OTUD3: variants seen among roughly 807,000 people sequenced by gnomAD.
OTUD3 encodes OTU deubiquitinase 3.
Under a neutral mutation model 46.2 loss-of-function variants are expected in OTUD3, and 24 were observed. The observed-to-expected ratio is 0.52, with a 90% confidence interval of 0.38 to 0.73. The LOEUF (loss-of-function observed/expected upper bound fraction) is 0.73. OTUD3 is among the 30% of genes least tolerant of loss of function. The pLI is 0.00. For synonymous variants in OTUD3, 189 were observed against 195.4 expected (o/e 0.97, Z 0.27); for missense variants, 455 against 523.3 (o/e 0.87, Z 1.27).
At chr1:19,886,482 C>G (rs2045362866) in intron 1 of OTUD3, among the ~76,000 whole-genome samples, 1 of 152,146 alleles carries the variant, frequency 6.6e-6, no homozygotes, top group Non-Finnish European at 1.5e-5. Flanking sequence ...TTGTGCCTCA[C>G]TCAGTGGTTT....
intron 2 of OTUD3, among the ~76,000 whole-genome samples, chr1:19,893,336 G>A (rs1164574195): frequency 6.6e-6 from 1 of 152,104 alleles, no homozygotes; most frequent in Non-Finnish European, 1.5e-5. Context: ...TAACAGTTAC[G>A]GTTTGTTACG....
intron 6 of OTUD3, among the ~76,000 whole-genome samples, chr1:19,906,095 A>C (rs1310757404): frequency 1.3e-5 from 2 of 152,260 alleles, no homozygotes; most frequent in African/African-American, 4.8e-5. Context: ...ATTGGACAGC[A>C]CAGCTTTAGA....
chr1:19,902,704 AT>A (rs2045607235), intron 4 of OTUD3, among the ~76,000 whole-genome samples: 1 of 151,928 alleles, frequency 6.6e-6, no homozygotes, highest in Admixed American at 6.6e-5. Flanking sequence ...CAGGTATATG[AT>A]TTGCTGTAAT....
intron 6 of OTUD3, among the ~76,000 whole-genome samples, chr1:19,905,562 G>A (rs1379705688): frequency 6.6e-6 from 1 of 151,844 alleles, no homozygotes; most frequent in Non-Finnish European, 1.5e-5. Context: ...CGAACATGGT[G>A]AAACCCCGTC....
In OTUD3 at chr1:19,908,182, C is replaced by G. The variant is rs952802689; in HGVS notation, c.*436C>G. The G allele has an allele frequency of 5.8e-5, 9 of 154,258 alleles. No individual in the cohort carries two copies. The highest frequency in any genetic ancestry group is 2.2e-4 in the African/African-American group (9 of 41,462). 9.6% of individuals were successfully genotyped at this position (154,258 alleles called of 1,614,324 possible). On this transcript the variant is annotated 3_prime_UTR_variant, in exon 8 of 8. Transcript: ENST00000375120. ...TGACAAGTTTCCTTAGTTTCTCTTT[C>G]ATTCTCAAACAGATATATAGGGTAG...
At chr1:19,905,951 C>T (rs890399210) in intron 6 of OTUD3, among the ~76,000 whole-genome samples, 1 of 152,158 alleles carries the variant, frequency 6.6e-6, no homozygotes, top group Non-Finnish European at 1.5e-5. Flanking sequence ...CTTTAAACAG[C>T]ACCCTCCAGT....
At chr1:19,896,890 G>C (rs561657588) in intron 3 of OTUD3, among the ~76,000 whole-genome samples, 1 of 152,294 alleles carries the variant, frequency 6.6e-6, no homozygotes, top group East Asian at 1.9e-4. Context: ...GCGCCTGCAG[G>C]GTTGAGCGCT....
intron 3 of OTUD3, among the ~76,000 whole-genome samples, chr1:19,895,980 A>G (rs1310516750): frequency 6.6e-6 from 1 of 151,548 alleles, no homozygotes; most frequent in Non-Finnish European, 1.5e-5. Context: ...GCATAGGTAA[A>G]TTTTTTTTTG....
Position 19,882,639 on chromosome 1 carries a change from G to T in OTUD3, c.126G>T (p.Glu42Asp). The T allele has an allele frequency of 6.8e-7, 1 of 1,462,748 alleles. No individual in the cohort carries two copies. The allele number at this position is 1,462,748 out of a possible 1,614,324, so 90.6% of individuals were successfully genotyped here. A position where few individuals can be genotyped will look rare whatever the true frequency, so the allele number is the denominator to read the frequency against. Reference protein sequence around the residue: ...ALAKERRNRPESGGGGGCEEE... With the variant: ...ALAKERRNRPDSGGGGGCEEE... The stretch of plus-strand genomic sequence containing the variant: ...CCAAGGAGCGGCGGAATCGGCCGGA[G>T]TCTGGCGGCGGCGGCGGCTGCGAGG... Residue 42 changes from glutamate to aspartate, a missense_variant, in exon 1 of 8, where the codon GAG becomes GAT. Physicochemically the swap from Glu to Asp is conservative, Grantham distance 45 (BLOSUM62 2). Transcript: ENST00000375120.
rs1226643525 is a variant in OTUD3, at chr1:19,882,541, C to T, written c.28C>T (p.Arg10Trp). MSRKQAAKSRPGSGSRKAEA... is the reference protein window; with the variant it reads MSRKQAAKSWPGSGSRKAEA... The stretch of plus-strand genomic sequence containing the variant: ...GTCCCGAAAGCAGGCGGCGAAGAGC[C>T]GGCCGGGCAGCGGCAGCCGGAAAGC... Residue 10 changes from arginine (R) to tryptophan (W), a missense_variant, in exon 1 of 8, where the codon CGG becomes TGG. Arg to Trp is a moderately radical substitution (Grantham distance 101). Transcript: ENST00000375120. 11 of 1,345,060 alleles carry T rather than the reference C, an allele frequency of 8.2e-6. No individual in the cohort carries two copies. The highest frequency in any genetic ancestry group is 3.1e-5 in the East Asian group (1 of 32,552). 83.3% of individuals were successfully genotyped at this position (1,345,060 alleles called of 1,614,324 possible). A position where few individuals can be genotyped will look rare whatever the true frequency, so the allele number is the denominator to read the frequency against.
At chr1:19,900,004 G>T (rs956008216) in intron 4 of OTUD3, among the ~76,000 whole-genome samples, 1 of 151,864 alleles carries the variant, frequency 6.6e-6, no homozygotes, top group East Asian at 1.9e-4. Context: ...ATAGTTTTTC[G>T]CACTCTGTCA....
chr1:19,901,448 T>TGAGAG (rs2045588098), intron 4 of OTUD3, among the ~76,000 whole-genome samples: 1 of 152,236 alleles, frequency 6.6e-6, no homozygotes, highest in African/African-American at 2.4e-5. Context: ...CATTTGTCTG[T>TGAGAG]GAGAGCTGTT....
At position 19,897,572 on chromosome 1, in the gene OTUD3, G is replaced by A. The variant is rs923526871; in HGVS notation, c.516G>A (p.Glu172=). The change falls in exon 4 of 8, where the codon GAG becomes GAA. Residue 172 remains glutamate (E), a synonymous_variant. Transcript: ENST00000375120. The stretch of plus-strand genomic sequence containing the variant: ...GTACAGAGAAAAGCAGCGTGAGGGA[G>A]TTACACATCGCATATCGGTATGGAG... ...IRGTEKSSVR[E]LHIAYRYGEH... 1.2e-6 allele frequency: 2 copies of A among 1,614,080 alleles called. No homozygotes were observed. The highest frequency in any genetic ancestry group is 1.7e-6 in the Non-Finnish European group (2 of 1,179,978).
At chr1:19,887,241 T>C (rs2045376847) in intron 1 of OTUD3, among the ~76,000 whole-genome samples, 1 of 152,046 alleles carries the variant, frequency 6.6e-6, no homozygotes, top group South Asian at 2.1e-4. Context: ...TGCGCCACCA[T>C]ACCTGGCTAA....
At chr1:19,906,872 C>T in intron 7 of OTUD3, 2 of 312,614 alleles carry the variant, frequency 6.4e-6, no homozygotes, top group Non-Finnish European at 1.2e-5. Context: ...CTTTTCCCAC[C>T]TAACATTACT....
chr1:19,904,212 C>T (rs2045627769), intron 4 of OTUD3, 55 bp from the exon 5 acceptor site: 2 of 1,424,770 alleles, frequency 1.4e-6, no homozygotes, highest in African/African-American at 1.4e-5. Context: ...GTTAAAGATT[C>T]TGAACATAGT....
intron 1 of OTUD3, among the ~76,000 whole-genome samples, chr1:19,887,091 T>C (rs969274704): frequency 2.0e-5 from 3 of 150,408 alleles, no homozygotes; most frequent in Admixed American, 6.6e-5. Context: ...TCTTTTTTTT[T>C]TTTTTTTGGA....
chr1:19,887,454 G>A (rs1032712646), intron 1 of OTUD3, among the ~76,000 whole-genome samples: 1 of 152,178 alleles, frequency 6.6e-6, no homozygotes, highest in South Asian at 2.1e-4. Context: ...ACACCTCACT[G>A]TGGATTAGCC....
At chr1:19,897,723 G>A (rs1417352750) in intron 4 of OTUD3, 61 bp downstream of exon 4, 1 of 1,513,850 alleles carries the variant, frequency 6.6e-7, no homozygotes, top group African/African-American at 1.4e-5. Flanking sequence ...ATTGAGAGCT[G>A]TATATCTGGC....
Sources: gnomAD v4.1 joint callset for allele counts (sites outside exome capture counted in the v4.1 genomes callset) on GRCh38, gnomAD v4.1.1 for gene constraint, MANE v1.5 for transcripts, NCBI Gene and HGNC (gene_info 2026-07-23, HGNC 2026-07-21) for gene names.